RBMS3: variants seen among roughly 807,000 people sequenced by gnomAD.
RBMS3 encodes RNA-binding motif, single-stranded-interacting protein 3.
A neutral mutation model predicts 66.8 loss-of-function variants in RBMS3; 27 were observed. That is an observed-to-expected ratio of 0.40 (90% CI 0.30 to 0.56). The LOEUF is 0.56. Ranked by LOEUF, RBMS3 falls within the 20% of genes least tolerant of loss-of-function variation. RBMS3 has a pLI of 0.40. For missense variants in RBMS3, 513 were observed against 549.5 expected (o/e 0.93, Z 0.66); for synonymous variants, 188 against 183.0 (o/e 1.03, Z -0.22).
chr3:29,388,637 C>T (rs533442540), intron 1 of RBMS3, among the ~76,000 whole-genome samples: 4 of 152,306 alleles, frequency 2.6e-5, no homozygotes, highest in East Asian at 3.9e-4. Context: ...TGCAGTGGCG[C>T]GATCTCGGCT....
At chr3:29,655,941 A>G (rs1343633145) in intron 4 of RBMS3, among the ~76,000 whole-genome samples, 2 of 97,964 alleles carry the variant, frequency 2.0e-5, no homozygotes, top group African/African-American at 7.9e-5. Context: ...AACAGCTTAA[A>G]AAGCAAAAAA....
chr3:29,561,751 C>G (rs577277360), intron 3 of RBMS3, among the ~76,000 whole-genome samples: 2 of 152,082 alleles, frequency 1.3e-5, no homozygotes, highest in East Asian at 3.9e-4. Context: ...ATGCCTGGCC[C>G]TTGACTTTTT....
At chr3:29,488,842 C>G (rs181541146) in intron 3 of RBMS3, among the ~76,000 whole-genome samples, 1 of 152,294 alleles carries the variant, frequency 6.6e-6, no homozygotes, top group Non-Finnish European at 1.5e-5. Context: ...CTGGGGAAAA[C>G]TTCCCCATGC....
At chr3:29,691,252 C>T (rs1414865785) in intron 4 of RBMS3, among the ~76,000 whole-genome samples, 2 of 152,106 alleles carry the variant, frequency 1.3e-5, no homozygotes, top group African/African-American at 2.4e-5. Context: ...CAAAAGTTTT[C>T]TCTTCTATTT....
Position 29,775,482 on chromosome 3 carries a change from T to C in RBMS3, c.637+12493T>C, listed in dbSNP as rs2056395505. Among the ~76,000 whole-genome samples, 3 of 152,158 alleles carry C rather than the reference T, an allele frequency of 2.0e-5. 1 individual carries two copies. In the South Asian group the frequency reaches 6.2e-4, roughly 31 times the overall value. ...CATGCTGCAATTGTGGGAATGGAAT[T>C]ATGTGAATTTGTGAGTAGCATGCGA... is the stretch of plus-strand genomic sequence containing the variant. On this transcript the variant is annotated intron_variant, in intron 6 of 14. Coordinates refer to ENST00000383767, the MANE Select transcript of RBMS3 (RefSeq NM_001003793.3).
intron 5 of RBMS3, among the ~76,000 whole-genome samples, chr3:29,748,717 A>T (rs549785099): frequency 6.6e-6 from 1 of 152,310 alleles, no homozygotes; most frequent in African/African-American, 2.4e-5. Context: ...CACATAGCTC[A>T]GCCTGATCTG....
At chr3:29,324,984 G>C (rs2035235625) in intron 1 of RBMS3, among the ~76,000 whole-genome samples, 2 of 151,910 alleles carry the variant, frequency 1.3e-5, no homozygotes, top group South Asian at 4.1e-4. Context: ...ACAGATGAAA[G>C]AATACATGCA....
At chr3:29,351,038 T>C (rs1052952549) in intron 1 of RBMS3, among the ~76,000 whole-genome samples, 2 of 152,164 alleles carry the variant, frequency 1.3e-5, no homozygotes, top group Admixed American at 1.3e-4. Context: ...AAAGTTATTA[T>C]AGATATGCCT....
intron 1 of RBMS3, among the ~76,000 whole-genome samples, chr3:29,321,555 A>C (rs1039206921): frequency 1.3e-5 from 2 of 152,296 alleles, no homozygotes; most frequent in South Asian, 4.1e-4. Context: ...TTTTGCTTAC[A>C]TGAAGACTCA....
intron 4 of RBMS3, among the ~76,000 whole-genome samples, chr3:29,660,931 C>G (rs2050519429): frequency 6.6e-6 from 1 of 152,168 alleles, no homozygotes; most frequent in Non-Finnish European, 1.5e-5. Flanking sequence ...ATGACAGATT[C>G]TTTGTCTGCA....
intron 3 of RBMS3, among the ~76,000 whole-genome samples, chr3:29,503,233 C>T (rs1310318425): frequency 6.6e-6 from 1 of 151,968 alleles, no homozygotes; most frequent in Non-Finnish European, 1.5e-5. Context: ...CTGCTAAGGC[C>T]AATTATTTCT....
At chr3:29,397,517 A>G (rs2039606390) in intron 1 of RBMS3, among the ~76,000 whole-genome samples, 1 of 152,122 alleles carries the variant, frequency 6.6e-6, no homozygotes, top group Non-Finnish European at 1.5e-5. Context: ...CATGTTCAAT[A>G]TAATACCTAT....
chr3:29,609,652 C>T (rs2048429268), intron 4 of RBMS3, among the ~76,000 whole-genome samples: 1 of 151,988 alleles, frequency 6.6e-6, no homozygotes, highest in Non-Finnish European at 1.5e-5. Context: ...CTCTTGTTGC[C>T]TCTGTGCCTG....
chr3:29,681,510 T>C (rs1436451748), intron 4 of RBMS3, among the ~76,000 whole-genome samples: 5 of 147,814 alleles, frequency 3.4e-5, no homozygotes, highest in South Asian at 2.2e-4. Context: ...CCCCACACAA[T>C]CCCCCCAGAC....
intron 3 of RBMS3, among the ~76,000 whole-genome samples, chr3:29,506,728 T>C (rs916449700): frequency 2.0e-5 from 3 of 151,994 alleles, no homozygotes; most frequent in African/African-American, 4.8e-5. Flanking sequence ...ATGGGAAAAA[T>C]GTTATTACTG....
intron 6 of RBMS3, among the ~76,000 whole-genome samples, chr3:29,848,231 A>T (rs905712476): frequency 5.9e-5 from 9 of 152,152 alleles, no homozygotes; most frequent in African/African-American, 2.2e-4. Context: ...GCGCACCTGG[A>T]CAGTCAGGCA....
At chr3:29,976,490 A>T (rs1697592035) in intron 12 of RBMS3, among the ~76,000 whole-genome samples, 1 of 152,126 alleles carries the variant, frequency 6.6e-6, no homozygotes, top group South Asian at 2.1e-4. Context: ...ACTAGTCTGG[A>T]TAGAGATCTA....
rs1399770642 is a variant in RBMS3 at position 29,868,970 on chromosome 3, T to A, written c.744+6T>A. 1.1e-5 allele frequency: 16 copies of A among 1,497,538 alleles called. No homozygotes were observed. Among genetic ancestry groups the A allele is most frequent in the Non-Finnish European group, 1.4e-5 (15 of 1,088,600 alleles). 92.8% of individuals were successfully genotyped at this position (1,497,538 alleles called of 1,614,324 possible). The stretch of plus-strand genomic sequence containing the variant: ...CTTGGCCCAGGGAAGGAGAGGTGAG[T>A]CCTGACTGATAACATTTGCTCTGAA... On this transcript the variant is annotated splice_donor_region_variant and intron_variant, in intron 7 of 14. Coordinates refer to ENST00000383767, the MANE Select transcript of RBMS3 (RefSeq NM_001003793.3).
chr3:29,595,848 T>C (rs1463451), intron 4 of RBMS3, among the ~76,000 whole-genome samples: 22,770 of 152,130 alleles, frequency 0.15, 1,967 homozygotes, highest in East Asian at 0.32. Context: ...CGGACAACCA[T>C]GTGTCTCCCC....
Sources: gnomAD v4.1 joint callset for allele counts (sites outside exome capture counted in the v4.1 genomes callset) on GRCh38, gnomAD v4.1.1 for gene constraint, MANE v1.5 for transcripts, NCBI Gene and HGNC (gene_info 2026-07-23, HGNC 2026-07-21) for gene names.